MIPOL1: variants seen among roughly 807,000 people sequenced by gnomAD.
The protein encoded by MIPOL1 is mirror-image polydactyly gene 1 protein.
Under a neutral mutation model 60.9 loss-of-function variants are expected in MIPOL1, and 57 were observed. The ratio of observed to expected loss-of-function variants is 0.94; its 90% CI spans 0.76 to 1.17. The LOEUF (loss-of-function observed/expected upper bound fraction) is 1.17, where lower values mean the gene tolerates loss of function less well. MIPOL1 is among the 50% of genes most tolerant of loss of function. The pLI, the probability that MIPOL1 is intolerant of heterozygous loss-of-function variation, is 0.00. For synonymous variants in MIPOL1, 179 were observed against 168.8 expected (o/e 1.06, Z -0.47); for missense variants, 551 against 511.6 (o/e 1.08, Z -0.74).
intron 12 of MIPOL1, among the ~76,000 whole-genome samples, chr14:37,541,522 C>T (rs1547009): frequency 0.77 from 116,700 of 152,158 alleles, 45,272 homozygotes; most frequent in African/African-American, 0.89. Flanking sequence ...TACAAGACTG[C>T]AGTGTCTAGC....
At chr14:37,531,402 ACTG>A (rs1202505842) in intron 12 of MIPOL1, among the ~76,000 whole-genome samples, 29 of 152,118 alleles carry the variant, frequency 1.9e-4, no homozygotes, top group African/African-American at 6.8e-4. Context: ...TATTACCTGC[ACTG>A]AACAACTAAA....
intron 9 of MIPOL1, among the ~76,000 whole-genome samples, chr14:37,359,562 G>A (rs1260608241): frequency 1.3e-5 from 2 of 152,010 alleles, no homozygotes; most frequent in African/African-American, 2.4e-5. Flanking sequence ...TCCCTTGTAA[G>A]TTGTATTCCT....
Position 37,498,502 on chromosome 14 carries a change from GAC to G in MIPOL1, c.1032-1402_1032-1401del, listed in dbSNP as rs760003843. The stretch of plus-strand genomic sequence containing the variant: ...CAGACAAGAATGCAGAAAGTGAGAG[GAC>G]ACAGAAAAAATAGTAAAATGGGCAA... On this transcript the variant is annotated intron_variant, in intron 11 of 12. Transcript: ENST00000684589. Among the ~76,000 whole-genome samples the G allele has an allele frequency of 6.0e-4, 92 of 152,192 alleles. No homozygotes were observed. The Middle Eastern group carries it at 0.031, about 51-fold the overall frequency.
intron 9 of MIPOL1, among the ~76,000 whole-genome samples, chr14:37,362,986 G>T (rs2092331515): frequency 6.6e-6 from 1 of 152,104 alleles, no homozygotes. Context: ...TCTCTACACT[G>T]TTTATTCTAG....
chr14:37,542,643 G>A (rs1201468133), intron 12 of MIPOL1, among the ~76,000 whole-genome samples: 1 of 152,076 alleles, frequency 6.6e-6, no homozygotes, highest in East Asian at 1.9e-4. Context: ...GCATCATCAG[G>A]AAGCCTTTAC....
At chr14:37,483,784 G>A (rs975629937) in intron 11 of MIPOL1, among the ~76,000 whole-genome samples, 1 of 151,996 alleles carries the variant, frequency 6.6e-6, no homozygotes, top group Non-Finnish European at 1.5e-5. Flanking sequence ...ACGAGTGTAT[G>A]CCTCCACACC....
intron 10 of MIPOL1, among the ~76,000 whole-genome samples, chr14:37,406,770 T>G (rs1363922700): frequency 6.6e-6 from 1 of 152,168 alleles, no homozygotes; most frequent in Non-Finnish European, 1.5e-5. Context: ...TGAAGACCAT[T>G]AAATACTATG....
chr14:37,510,226 G>GTA (rs1391319874), intron 12 of MIPOL1, among the ~76,000 whole-genome samples: 23 of 151,828 alleles, frequency 1.5e-4, no homozygotes, highest in Admixed American at 1.2e-3. Flanking sequence ...ACGTGTGTGT[G>GTA]TATATATATA....
intron 12 of MIPOL1, among the ~76,000 whole-genome samples, chr14:37,532,765 G>A (rs1661139467): frequency 1.3e-5 from 2 of 152,112 alleles, no homozygotes; most frequent in African/African-American, 4.8e-5. Context: ...TACCTATTTT[G>A]AGTAAATCAC....
intron 11 of MIPOL1, among the ~76,000 whole-genome samples, chr14:37,483,776 G>T (rs745827718): frequency 6.6e-6 from 1 of 151,962 alleles, no homozygotes; most frequent in Non-Finnish European, 1.5e-5. Context: ...CCTGGACTAC[G>T]AGTGTATGCC....
rs182596638 is a variant in MIPOL1, at chr14:37,436,844, A to G, written c.1031+13895A>G. 1.7e-3 allele frequency among the ~76,000 whole-genome samples: 258 copies of G among 152,308 alleles called. 1 individual carries two copies. The highest frequency in any genetic ancestry group is 5.9e-3 in the African/African-American group (244 of 41,572). ...ATGTGTAAATATTCCAGATTCAATT[A>G]TATGTGAGGTAGCTAGAGTTTTCAT... On this transcript the variant is annotated intron_variant, in intron 11 of 12. Coordinates refer to ENST00000684589, the MANE Select transcript of MIPOL1 (RefSeq NM_001388067.1).
chr14:37,254,666 C>A (rs1283256432), intron 3 of MIPOL1, among the ~76,000 whole-genome samples: 2 of 151,654 alleles, frequency 1.3e-5, no homozygotes, highest in Non-Finnish European at 3.0e-5. Flanking sequence ...AATAGGATTT[C>A]TTCTTTCTCT....
At chr14:37,380,431 G>A (rs1284745528) in intron 10 of MIPOL1, among the ~76,000 whole-genome samples, 1 of 152,094 alleles carries the variant, frequency 6.6e-6, no homozygotes, top group African/African-American at 2.4e-5. Context: ...CAACTACAGT[G>A]AAAGGTGATT....
chr14:37,230,458 T>C (rs1389628858), intron 1 of MIPOL1, among the ~76,000 whole-genome samples: 2 of 152,218 alleles, frequency 1.3e-5, no homozygotes, highest in African/African-American at 2.4e-5. Flanking sequence ...TCCATATCTC[T>C]ATCTTGTGGA....
intron 12 of MIPOL1, among the ~76,000 whole-genome samples, chr14:37,521,952 A>C (rs1180930374): frequency 6.7e-6 from 1 of 149,954 alleles, no homozygotes; most frequent in Non-Finnish European, 1.5e-5. Context: ...AGAGCAGAGA[A>C]CATTACCACC....
intron 7 of MIPOL1, among the ~76,000 whole-genome samples, chr14:37,302,625 TA>T (rs1433014617): frequency 6.6e-6 from 1 of 150,476 alleles, no homozygotes; most frequent in Non-Finnish European, 1.5e-5. Context: ...TTGATAACAT[TA>T]AAAAATCTTT....
At chr14:37,522,943 T>C (rs1406882277) in intron 12 of MIPOL1, among the ~76,000 whole-genome samples, 4 of 152,118 alleles carry the variant, frequency 2.6e-5, no homozygotes, top group Non-Finnish European at 1.5e-5. Flanking sequence ...ATTAATACAA[T>C]TTTTATCCTT....
intron 6 of MIPOL1, among the ~76,000 whole-genome samples, chr14:37,271,959 T>G (rs1006322647): frequency 1.3e-5 from 2 of 151,650 alleles, no homozygotes; most frequent in African/African-American, 4.8e-5. Flanking sequence ...TTAATTTTTT[T>G]TATAATGTAG....
intron 10 of MIPOL1, among the ~76,000 whole-genome samples, chr14:37,397,524 A>G (rs947557722): frequency 3.9e-5 from 6 of 152,054 alleles, no homozygotes; most frequent in African/African-American, 1.4e-4. Context: ...ATGTAGAGGA[A>G]CCAGCAGTGG....
Sources: allele counts gnomAD v4.1 joint callset (sites outside exome capture counted in the v4.1 genomes callset), GRCh38; gene constraint gnomAD v4.1.1; transcripts MANE v1.5; gene names NCBI Gene and HGNC (gene_info 2026-07-23, HGNC 2026-07-21).